COL25A1: variants seen among roughly 807,000 people sequenced by gnomAD.
COL25A1 encodes collagen alpha-1(XXV) chain.
Under a neutral mutation model 128.4 loss-of-function variants are expected in COL25A1, and 103 were observed. The observed-to-expected ratio is 0.80, with a 90% CI of 0.68 to 0.94. The LOEUF (loss-of-function observed/expected upper bound fraction) is 0.94. Ranked by LOEUF, COL25A1 falls within the 40% of genes least tolerant of loss-of-function variation. The pLI, the probability that COL25A1 is intolerant of heterozygous loss-of-function variation, is 0.00. For synonymous variants in COL25A1, 279 were observed against 277.2 expected (o/e 1.01, Z -0.06); for missense variants, 745 against 840.0 (o/e 0.89, Z 1.40).
At chr4:108,845,122 A>G in intron 29 of COL25A1, 67 bp downstream of exon 29, 1 of 1,304,394 alleles carries the variant, frequency 7.7e-7, no homozygotes, top group Non-Finnish European at 1.1e-6. Context: ...GAGGTGGAAT[A>G]GGTAAGTAAC....
At chr4:108,840,368 C>A (rs1262693717) in intron 31 of COL25A1, among the ~76,000 whole-genome samples, 1 of 151,906 alleles carries the variant, frequency 6.6e-6, no homozygotes, top group Non-Finnish European at 1.5e-5. Context: ...TCTCTTCTGA[C>A]CCCCCCTCCC....
At chr4:109,245,447 TA>T (rs200063195) in intron 3 of COL25A1, among the ~76,000 whole-genome samples, 8,946 of 152,120 alleles carry the variant, frequency 0.059, 532 homozygotes, top group African/African-American at 0.16. Flanking sequence ...ATAACAAAGG[TA>T]TCCTATCATA....
chr4:108,974,799 T>C (rs1752267229), intron 6 of COL25A1, among the ~76,000 whole-genome samples: 1 of 152,160 alleles, frequency 6.6e-6, no homozygotes, highest in Non-Finnish European at 1.5e-5. Flanking sequence ...GCTCAATAAA[T>C]TTTCACAAAC....
chr4:109,188,140 C>T (rs1385838286), intron 3 of COL25A1, among the ~76,000 whole-genome samples: 3 of 152,096 alleles, frequency 2.0e-5, no homozygotes, highest in Admixed American at 6.5e-5. Flanking sequence ...ACTATAGAGC[C>T]GATGTTCCGA....
intron 16 of COL25A1, among the ~76,000 whole-genome samples, chr4:108,890,938 T>C (rs1741412494): frequency 6.6e-6 from 1 of 152,196 alleles, no homozygotes; most frequent in East Asian, 1.9e-4. Flanking sequence ...ATGCCCCTCA[T>C]GCACACATCT....
chr4:108,940,626 C>A lies in COL25A1; in HGVS notation c.585G>T (p.Gly195=). Residue 195 remains glycine, a synonymous_variant, in exon 10 of 38, where the codon GGG becomes GGT. Transcript: ENST00000399132. ...RLIKGDQGQA[G]PPGPPGPPGP... ...CTGGAGGGCCAGGGGGTCCTGGAGG[C>A]CCTGCCTGTCCTTGGTCACCCTGTG... The A allele has an allele frequency of 6.2e-7, 1 of 1,600,408 alleles. No individual in the cohort carries two copies.
chr4:108,949,537 CTTT>C (rs60370461), intron 8 of COL25A1, among the ~76,000 whole-genome samples: 2 of 142,538 alleles, frequency 1.4e-5, no homozygotes, highest in South Asian at 2.2e-4. Context: ...ATAAATTTTT[CTTT>C]TTTTTTTTTT....
At chr4:109,120,380 T>C (rs1327431393) in intron 3 of COL25A1, among the ~76,000 whole-genome samples, 2 of 152,026 alleles carry the variant, frequency 1.3e-5, no homozygotes, top group Non-Finnish European at 2.9e-5. Flanking sequence ...TGGAGAAAAT[T>C]GGAAAAATAA....
intron 3 of COL25A1, among the ~76,000 whole-genome samples, chr4:109,156,239 C>G (rs957404670): frequency 4.6e-5 from 7 of 152,210 alleles, no homozygotes; most frequent in Non-Finnish European, 7.3e-5. Flanking sequence ...CTTTCTCAAG[C>G]ACGTTGTCTT....
chr4:109,158,818 T>C (rs1772274620), intron 3 of COL25A1, among the ~76,000 whole-genome samples: 1 of 152,164 alleles, frequency 6.6e-6, no homozygotes, highest in Non-Finnish European at 1.5e-5. Flanking sequence ...AAGGAAGAAA[T>C]GGTTATGTGT....
chr4:109,076,520 A>G (rs1014276142), intron 3 of COL25A1, among the ~76,000 whole-genome samples: 2 of 152,158 alleles, frequency 1.3e-5, no homozygotes, highest in Non-Finnish European at 2.9e-5. Context: ...CTACACTAGT[A>G]AGTACAGTAG....
At chr4:109,216,698 C>T (rs1447126047) in intron 3 of COL25A1, among the ~76,000 whole-genome samples, 1 of 152,106 alleles carries the variant, frequency 6.6e-6, no homozygotes, top group Non-Finnish European at 1.5e-5. Flanking sequence ...TCAGAGGGAG[C>T]ATGGCCCTGC....
chr4:108,959,645 C>T (rs2125965133), intron 8 of COL25A1, among the ~76,000 whole-genome samples: 1 of 152,260 alleles, frequency 6.6e-6, no homozygotes, highest in Middle Eastern at 3.4e-3. Flanking sequence ...TTATAATATA[C>T]AATTCTGGGT....
In COL25A1 at chr4:109,300,646, A is replaced by T; in HGVS notation, c.304T>A (p.Tyr102Asn). The T allele has an allele frequency of 1.2e-6, 2 of 1,608,002 alleles. No homozygotes were observed. The highest frequency in any genetic ancestry group is 1.7e-6 in the Non-Finnish European group (2 of 1,174,416). ...ATTCTTATTTTAGCCATATGTTCATAGGATTTCTGTAGGAAAAGAAGAGTT... is the reference window on the plus strand; with the variant it reads ...ATTCTTATTTTAGCCATATGTTCATTGGATTTCTGTAGGAAAAGAAGAGTT... ...KVERLLAQKS[Y>N]EHMAKIRIAR... The change falls in exon 3 of 38, where the codon TAT becomes AAT. Residue 102 changes from tyrosine (Y) to asparagine (N), a missense_variant. Tyr to Asn is a moderately radical substitution (Grantham distance 143). Coordinates refer to ENST00000399132, the MANE Select transcript of COL25A1 (RefSeq NM_198721.4).
At chr4:109,103,748 G>A (rs372471247) in intron 3 of COL25A1, among the ~76,000 whole-genome samples, 51 of 152,122 alleles carry the variant, frequency 3.4e-4, no homozygotes, top group Non-Finnish European at 5.9e-4. Flanking sequence ...AACCACTAGC[G>A]TTCTGTCAAA....
intron 6 of COL25A1, among the ~76,000 whole-genome samples, chr4:108,988,053 G>A (rs1376793359): frequency 6.6e-6 from 1 of 152,140 alleles, no homozygotes; most frequent in East Asian, 1.9e-4. Flanking sequence ...AACAAACACC[G>A]ACTTTGGAGG....
In COL25A1 at chr4:108,827,145, T is replaced by C. The variant is rs571262842; in HGVS notation, c.1754A>G (p.Tyr585Cys). The change falls in exon 33 of 38, where the codon TAT (tyrosine) becomes TGT (cysteine). Residue 585 changes from tyrosine to cysteine, a missense_variant. Transcript: ENST00000399132. ...AMGEPGPRGP[Y>C]GLPGKDGEPG... ...TGACCAGGAACTCACAGGCAGCCCA[T>C]AGGGCCCTCTTGGTCCAGGCTCTCC... 1.2e-6 allele frequency: 2 copies of C among 1,613,876 alleles called. No homozygotes were observed. The highest frequency in any genetic ancestry group is 2.2e-5 in the East Asian group (1 of 44,854).
intron 5 of COL25A1, among the ~76,000 whole-genome samples, chr4:109,034,015 T>A (rs1451727519): frequency 2.6e-5 from 4 of 152,144 alleles, no homozygotes; most frequent in African/African-American, 7.2e-5. Context: ...GAGGTTTAAC[T>A]CGAGTAATTA....
chr4:108,872,466 T>C (rs1738846112), intron 19 of COL25A1, among the ~76,000 whole-genome samples: 1 of 152,118 alleles, frequency 6.6e-6, no homozygotes, highest in Non-Finnish European at 1.5e-5. Flanking sequence ...AGATTCCACG[T>C]TGCACCTAAC....
Sources: allele counts gnomAD v4.1 joint callset (sites outside exome capture counted in the v4.1 genomes callset), GRCh38; gene constraint gnomAD v4.1.1; transcripts MANE v1.5; gene names NCBI Gene and HGNC (gene_info 2026-07-23, HGNC 2026-07-21).